The following ASIC2 variants were observed in gnomAD, a reference collection of about 807,000 sequenced individuals.
ASIC2 encodes acid sensing ion channel subunit 2, also known as acid-sensing ion channel 2.
A neutral mutation model predicts 57.3 loss-of-function variants in ASIC2; 25 were observed. That is an observed-to-expected ratio of 0.44 (90% CI 0.32 to 0.61). The LOEUF is 0.61. ASIC2 is among the 20% of genes least tolerant of loss of function. ASIC2 has a pLI of 0.06. For synonymous variants in ASIC2, 319 were observed against 307.5 expected (o/e 1.04, Z -0.39); for missense variants, 641 against 738.1 (o/e 0.87, Z 1.52).
At chr17:34,042,976 C>T (rs757373146) in intron 1 of ASIC2, among the ~76,000 whole-genome samples, 1 of 152,150 alleles carries the variant, frequency 6.6e-6, no homozygotes, top group African/African-American at 2.4e-5. Flanking sequence ...ACTGCAGTTA[C>T]ATACAGCAAC....
chr17:33,957,864 G>A (rs932385198), intron 1 of ASIC2, among the ~76,000 whole-genome samples: 8 of 152,146 alleles, frequency 5.3e-5, no homozygotes, highest in Non-Finnish European at 1.2e-4. Context: ...TCTCATCTAA[G>A]ACAAGGCAAG....
intron 1 of ASIC2, among the ~76,000 whole-genome samples, chr17:34,099,166 A>G (rs7406091): frequency 0.022 from 130 of 5,856 alleles, 1 homozygote; most frequent in East Asian, 0.14. Context: ...GAGAGAGAGA[A>G]AGAAAGAAAG....
intron 1 of ASIC2, chr17:33,793,616 A>ATCT (rs1911834887): frequency 6.6e-6 from 1 of 152,230 alleles, no homozygotes; most frequent in Non-Finnish European, 1.5e-5. Context: ...CTTGCTTCAA[A>ATCT]TGTCCTATCT....
At chr17:34,092,935 T>C (rs1162570853) in intron 1 of ASIC2, among the ~76,000 whole-genome samples, 1 of 152,234 alleles carries the variant, frequency 6.6e-6, no homozygotes, top group Non-Finnish European at 1.5e-5. Context: ...TCAAACTTTA[T>C]ATCAATGGTA....
At chr17:33,429,039 A>G (rs1911313208) in intron 1 of ASIC2, among the ~76,000 whole-genome samples, 1 of 152,114 alleles carries the variant, frequency 6.6e-6, no homozygotes, top group Non-Finnish European at 1.5e-5. Flanking sequence ...TGCTGAGGAG[A>G]TGGTCAGATA....
At chr17:33,224,998 A>G (rs1907827397) in intron 1 of ASIC2, among the ~76,000 whole-genome samples, 1 of 152,164 alleles carries the variant, frequency 6.6e-6, no homozygotes, top group Non-Finnish European at 1.5e-5. Context: ...GAGCTGATAG[A>G]TGCCTCTTGT....
chr17:33,399,329 T>TCAAC (rs1910196992), intron 1 of ASIC2, among the ~76,000 whole-genome samples: 2 of 152,274 alleles, frequency 1.3e-5, no homozygotes, highest in South Asian at 2.1e-4. Context: ...CCTTAAGAAA[T>TCAAC]CAACCAGACA....
chr17:33,167,648 C>T (rs907780346), intron 1 of ASIC2, among the ~76,000 whole-genome samples: 6 of 152,206 alleles, frequency 3.9e-5, no homozygotes, highest in African/African-American at 1.4e-4. Flanking sequence ...TAAGCACAAA[C>T]TCCTCATTCT....
At chr17:34,022,640 AC>A (rs367643900) in intron 1 of ASIC2, among the ~76,000 whole-genome samples, 8 of 148,274 alleles carry the variant, frequency 5.4e-5, no homozygotes, top group East Asian at 1.9e-4. Flanking sequence ...AAAAAAAAAA[AC>A]AAAAAAAAAA....
intron 3 of ASIC2, among the ~76,000 whole-genome samples, chr17:33,062,413 T>A (rs1396611592): frequency 6.6e-6 from 1 of 152,206 alleles, no homozygotes; most frequent in Non-Finnish European, 1.5e-5. Context: ...CTTCATTTCG[T>A]TATGTACACA....
At chr17:34,104,089 T>C (rs1028719133) in intron 1 of ASIC2, among the ~76,000 whole-genome samples, 6 of 152,130 alleles carry the variant, frequency 3.9e-5, no homozygotes, top group African/African-American at 1.2e-4. Flanking sequence ...CCCACAAATA[T>C]AGTATATCTC....
chr17:33,080,709 T>A (rs2092109785), intron 3 of ASIC2, among the ~76,000 whole-genome samples: 1 of 152,066 alleles, frequency 6.6e-6, no homozygotes, highest in African/African-American at 2.4e-5. Context: ...AAAATAAGGG[T>A]GACTTGAACA....
chr17:33,557,669 G>A (rs1413885187), intron 1 of ASIC2, among the ~76,000 whole-genome samples: 1 of 152,154 alleles, frequency 6.6e-6, no homozygotes, highest in Non-Finnish European at 1.5e-5. Context: ...TATTTCTGCA[G>A]GGTTTGCCGT....
At chr17:33,108,865 T>A (rs1340174739) in intron 2 of ASIC2, among the ~76,000 whole-genome samples, 1 of 152,038 alleles carries the variant, frequency 6.6e-6, no homozygotes, top group Non-Finnish European at 1.5e-5. Context: ...GCCAGGAATA[T>A]GGAATAGTAT....
chr17:33,094,569 T>C (rs1200636141), intron 2 of ASIC2, among the ~76,000 whole-genome samples: 1 of 152,160 alleles, frequency 6.6e-6, no homozygotes, highest in Non-Finnish European at 1.5e-5. Flanking sequence ...GGATCTCCCA[T>C]GGGCTCTCAC....
intron 1 of ASIC2, among the ~76,000 whole-genome samples, chr17:33,209,414 A>G (rs1408070390): frequency 6.6e-6 from 1 of 152,218 alleles, no homozygotes; most frequent in Non-Finnish European, 1.5e-5. Flanking sequence ...TAAAGCCTCT[A>G]GACCATGGTT....
intron 1 of ASIC2, among the ~76,000 whole-genome samples, chr17:33,179,016 T>C (rs1905874567): frequency 6.6e-6 from 1 of 152,196 alleles, no homozygotes; most frequent in Non-Finnish European, 1.5e-5. Context: ...GGAAGCTCAC[T>C]GGTGGCTCGG....
In ASIC2 at chr17:33,771,364, G is replaced by C. The variant is rs189804282; in HGVS notation, c.555+384614C>G. 2.6e-5 allele frequency among the ~76,000 whole-genome samples: 4 copies of C among 152,272 alleles called. No homozygotes were observed. In the East Asian group the frequency reaches 7.7e-4, roughly 29 times the overall value. On this transcript the variant is annotated intron_variant, in intron 1 of 9. Coordinates refer to the ASIC2 transcript ENST00000359872. ...TGTGTGGCACATTTGGGCACCTTCT[G>C]TCTCACTGCCCTGCATTCCATGTGT...
At chr17:33,543,776 G>A (rs1191665543) in intron 1 of ASIC2, among the ~76,000 whole-genome samples, 2 of 152,310 alleles carry the variant, frequency 1.3e-5, no homozygotes, top group East Asian at 3.9e-4. Context: ...GTTCAGAGAG[G>A]TTAAGGAAGC....
Sources: gnomAD v4.1 joint callset for allele counts (sites outside exome capture counted in the v4.1 genomes callset) on GRCh38, gnomAD v4.1.1 for gene constraint, MANE v1.5 for transcripts, NCBI Gene and HGNC (gene_info 2026-07-23, HGNC 2026-07-21) for gene names.